Variants in MCUB observed in about 807,000 individuals in gnomAD.
MCUB encodes calcium uniporter regulatory subunit MCUb, mitochondrial.
In MCUB, 46 loss-of-function variants were observed where a neutral mutation model predicts 41.4. The observed-to-expected ratio is 1.11, with a 90% CI of 0.88 to 1.42. The LOEUF (loss-of-function observed/expected upper bound fraction) is 1.42. MCUB is among the 40% of genes most tolerant of loss of function. The pLI is 0.00. For missense variants in MCUB, 403 were observed against 404.9 expected (o/e 1.00, Z 0.04); for synonymous variants, 148 against 148.2 (o/e 1.00, Z 0.01).
chr4:109,593,643 G>T (rs1166577820), intron 1 of MCUB, among the ~76,000 whole-genome samples: 1 of 152,164 alleles, frequency 6.6e-6, no homozygotes, highest in African/African-American at 2.4e-5. Context: ...AGAAGGAAAA[G>T]ACTTACTTGA....
intron 1 of MCUB, among the ~76,000 whole-genome samples, chr4:109,610,411 T>G (rs1401444299): frequency 6.6e-6 from 1 of 152,226 alleles, no homozygotes; most frequent in Non-Finnish European, 1.5e-5. Context: ...TCTCCTATTA[T>G]ATCTTTTAAT....
intron 1 of MCUB, among the ~76,000 whole-genome samples, chr4:109,606,182 G>A (rs1727866381): frequency 6.6e-6 from 1 of 152,080 alleles, no homozygotes. Context: ...CACCATGTTA[G>A]CCAGAATGGT....
intron 1 of MCUB, among the ~76,000 whole-genome samples, chr4:109,589,427 C>T (rs1463920081): frequency 1.3e-5 from 2 of 152,224 alleles, no homozygotes; most frequent in Admixed American, 6.5e-5. Context: ...CGTCTCTCTG[C>T]AAACATGAAT....
chr4:109,602,325 T>C lies in MCUB; in HGVS notation c.99+41889T>C, dbSNP rs142129656. 5.9e-3 allele frequency among the ~76,000 whole-genome samples: 900 copies of C among 152,314 alleles called. 30 individuals are homozygous for C. The South Asian group carries it at 0.073, about 12-fold the overall frequency. On this transcript the variant is annotated intron_variant, in intron 1 of 7. Coordinates refer to ENST00000394650, the MANE Select transcript of MCUB (RefSeq NM_017918.5). ...TGAGAGTTTCCCCAATGTTTTCTTGTAGTAGTTTTGTAGTTTCAGGTCTTA... is the reference window on the plus strand; with the variant it reads ...TGAGAGTTTCCCCAATGTTTTCTTGCAGTAGTTTTGTAGTTTCAGGTCTTA...
At chr4:109,592,288 C>T (rs1447745776) in intron 1 of MCUB, among the ~76,000 whole-genome samples, 2 of 151,524 alleles carry the variant, frequency 1.3e-5, no homozygotes, top group African/African-American at 4.9e-5. Context: ...CGTGTACCTG[C>T]AATCCCAGCT....
In MCUB at chr4:109,615,317, T is replaced by C. The variant is rs538898860; in HGVS notation, c.100-43694T>C. On this transcript the variant is annotated intron_variant, in intron 1 of 7. Coordinates refer to ENST00000394650, the MANE Select transcript of MCUB (RefSeq NM_017918.5). ...TCTTCCAAGCAGATGAGAAGAGTCT[T>C]GTGGGGAATATGGCCAACCCAAAAG... Among the ~76,000 whole-genome samples, 3 of 152,280 alleles carry C rather than the reference T, an allele frequency of 2.0e-5. 1 individual carries two copies. The South Asian group carries it at 6.2e-4, about 32-fold the overall frequency.
intron 7 of MCUB, 88 bp downstream of exon 7, chr4:109,685,455 A>C (rs1729819068): frequency 3.3e-6 from 2 of 612,656 alleles, no homozygotes; most frequent in Admixed American, 5.0e-5. Context: ...ATCCTCACAA[A>C]TTAAATCTTG....
intron 1 of MCUB, among the ~76,000 whole-genome samples, chr4:109,654,700 G>A (rs1729049765): frequency 6.6e-6 from 1 of 152,138 alleles, no homozygotes; most frequent in African/African-American, 2.4e-5. Flanking sequence ...TTAGTCTCCT[G>A]CCAATAGAAT....
chr4:109,593,168 G>T (rs1325827954), intron 1 of MCUB, among the ~76,000 whole-genome samples: 3 of 152,170 alleles, frequency 2.0e-5, no homozygotes, highest in Non-Finnish European at 2.9e-5. Flanking sequence ...TAGTGAAAAG[G>T]GGCAGTTAGG....
chr4:109,602,659 T>C (rs538431167), intron 1 of MCUB, among the ~76,000 whole-genome samples: 1 of 152,320 alleles, frequency 6.6e-6, no homozygotes, highest in South Asian at 2.1e-4. Context: ...AGTTTTGTTC[T>C]TTTTGCTTAG....
At chr4:109,634,390 G>A (rs1338490307) in intron 1 of MCUB, among the ~76,000 whole-genome samples, 3 of 151,828 alleles carry the variant, frequency 2.0e-5, no homozygotes, top group Non-Finnish European at 4.4e-5. Context: ...GGCTGAGGCA[G>A]GAGAATCGCT....
In MCUB at chr4:109,585,486, T is replaced by A. The variant is rs1207725752; in HGVS notation, c.99+25050T>A. ...ATTGTTGTATGTGAATTTGATCCTG[T>A]CATTATGATGTTAGCTGGTTATTTT... is the stretch of plus-strand genomic sequence containing the variant. On this transcript the variant is annotated intron_variant, in intron 1 of 7. Coordinates refer to ENST00000394650, the MANE Select transcript of MCUB (RefSeq NM_017918.5). Among the ~76,000 whole-genome samples, 3 of 152,214 alleles carry A rather than the reference T, an allele frequency of 2.0e-5. No individual in the cohort carries two copies. The South Asian group carries it at 6.2e-4, about 32-fold the overall frequency.
intron 1 of MCUB, among the ~76,000 whole-genome samples, chr4:109,640,485 A>G (rs929588815): frequency 1.3e-5 from 2 of 152,244 alleles, no homozygotes; most frequent in African/African-American, 2.4e-5. Context: ...ACCTTCATCA[A>G]TGATCTTAGC....
chr4:109,666,695 G>A (rs1176763318), intron 4 of MCUB, among the ~76,000 whole-genome samples: 3 of 152,096 alleles, frequency 2.0e-5, no homozygotes, highest in East Asian at 3.8e-4. Context: ...TATCAGATAC[G>A]TCTTTTGCAA....
Position 109,598,502 on chromosome 4 carries a change from A to C in MCUB, c.99+38066A>C, listed in dbSNP as rs189843650. ...TCGCAGGCACTCGGCAGGCTGAGGC[A>C]GGAGAATCAGGCAGGGAGGTTGCAG... On this transcript the variant is annotated intron_variant, in intron 1 of 7. Coordinates refer to ENST00000394650, the MANE Select transcript of MCUB (RefSeq NM_017918.5). Among the ~76,000 whole-genome samples the C allele has an allele frequency of 1.3e-4, 19 of 151,998 alleles. No homozygotes were observed. In the East Asian group the frequency reaches 3.3e-3, roughly 27 times the overall value.
chr4:109,590,662 T>C (rs1304992517), intron 1 of MCUB, among the ~76,000 whole-genome samples: 1 of 152,224 alleles, frequency 6.6e-6, no homozygotes, highest in African/African-American at 2.4e-5. Context: ...CTCTGAATGA[T>C]AACGCTTCTG....
chr4:109,574,284 T>C lies in MCUB; in HGVS notation c.99+13848T>C, dbSNP rs1726980166. Among the ~76,000 whole-genome samples the C allele has an allele frequency of 3.9e-5, 6 of 152,328 alleles. No homozygotes were observed. In the South Asian group the frequency reaches 1.2e-3, roughly 32 times the overall value. On this transcript the variant is annotated intron_variant, in intron 1 of 7. Transcript: ENST00000394650. ...TGTTGCTTCCAAGCAAGGAAATTAC[T>C]CCCAAGATAGAGCAGAATAGGTAGG...
At chr4:109,638,003 A>G (rs944045115) in intron 1 of MCUB, among the ~76,000 whole-genome samples, 2 of 152,248 alleles carry the variant, frequency 1.3e-5, no homozygotes, top group African/African-American at 2.4e-5. Context: ...AAGTCTTGCA[A>G]TAAAATGAGT....
At chr4:109,607,086 G>A (rs1023974760) in intron 1 of MCUB, among the ~76,000 whole-genome samples, 1 of 152,072 alleles carries the variant, frequency 6.6e-6, no homozygotes, top group Admixed American at 6.5e-5. Flanking sequence ...TTTAGTCTTT[G>A]TGCCTAAGAT....
Sources: gnomAD v4.1 joint callset for allele counts (sites outside exome capture counted in the v4.1 genomes callset) on GRCh38, gnomAD v4.1.1 for gene constraint, MANE v1.5 for transcripts, NCBI Gene and HGNC (gene_info 2026-07-23, HGNC 2026-07-21) for gene names.